ARHGAP25: variants seen among roughly 807,000 people sequenced by gnomAD.
The protein encoded by ARHGAP25 is rho GTPase-activating protein 25.
A neutral mutation model predicts 71.0 loss-of-function variants in ARHGAP25; 34 were observed. The ratio of observed to expected loss-of-function variants is 0.48; its 90% CI spans 0.36 to 0.64. The LOEUF (loss-of-function observed/expected upper bound fraction) is 0.64. Ranked by LOEUF, ARHGAP25 falls within the 30% of genes least tolerant of loss-of-function variation. The pLI, the probability that ARHGAP25 is intolerant of heterozygous loss-of-function variation, is 0.00. For missense variants in ARHGAP25, 706 were observed against 805.1 expected (o/e 0.88, Z 1.49); for synonymous variants, 282 against 296.5 (o/e 0.95, Z 0.50).
intron 1 of ARHGAP25, among the ~76,000 whole-genome samples, chr2:68,737,353 A>G (rs897273667): frequency 5.3e-5 from 8 of 152,240 alleles, no homozygotes; most frequent in Non-Finnish European, 7.3e-5. Flanking sequence ...GAGTTATGTC[A>G]GGAAAGCTGA....
intron 4 of ARHGAP25, among the ~76,000 whole-genome samples, chr2:68,802,986 C>G (rs1194538365): frequency 7.2e-6 from 1 of 139,520 alleles, no homozygotes; most frequent in African/African-American, 2.5e-5. Context: ...CATATATATA[C>G]ACACATATAC....
chr2:68,813,299 G>A lies in ARHGAP25; in HGVS notation c.687G>A (p.Val229=). The change falls in exon 6 of 11, where the codon GTG becomes GTA. Residue 229 remains valine (V), a synonymous_variant. Coordinates refer to ENST00000409202, the MANE Select transcript of ARHGAP25 (RefSeq NM_001007231.3). Reference sequence around the variant, plus strand: ...TATTTTCTTCCAGAGACACAGATGTGCACACTGTGGCTTCCCTGTTAAAGC... The same window carrying A: ...TATTTTCTTCCAGAGACACAGATGTACACACTGTGGCTTCCCTGTTAAAGC... ...ERPSFDRDTD[V]HTVASLLKLY... 6.2e-7 allele frequency: 1 copy of A among 1,612,960 alleles called. No individual in the cohort carries two copies.
At chr2:68,741,568 A>T (rs1044658257) in intron 1 of ARHGAP25, among the ~76,000 whole-genome samples, 12 of 152,162 alleles carry the variant, frequency 7.9e-5, no homozygotes, top group African/African-American at 2.4e-4. Flanking sequence ...ACTTTAAAAA[A>T]TGTTATTATT....
At chr2:68,791,531 C>T (rs1558640574) in intron 4 of ARHGAP25, among the ~76,000 whole-genome samples, 1 of 151,164 alleles carries the variant, frequency 6.6e-6, no homozygotes, top group Non-Finnish European at 1.5e-5. Flanking sequence ...CGGTGGAGCT[C>T]TTTATGGTGC....
intron 10 of ARHGAP25, 67 bp from the exon 11 acceptor site, chr2:68,825,920 G>GC (rs1682093545): frequency 7.2e-7 from 1 of 1,390,608 alleles, no homozygotes; most frequent in African/African-American, 1.5e-5. Flanking sequence ...CAGGTTGTGA[G>GC]CAAGGGGGAA....
intron 2 of ARHGAP25, among the ~76,000 whole-genome samples, chr2:68,781,424 G>T (rs1402287975): frequency 6.6e-6 from 1 of 152,114 alleles, no homozygotes; most frequent in East Asian, 1.9e-4. Context: ...CAAGTGAAAT[G>T]CACTGTAAGT....
intron 1 of ARHGAP25, among the ~76,000 whole-genome samples, chr2:68,760,210 A>G (rs891372899): frequency 4.6e-5 from 7 of 152,002 alleles, no homozygotes; most frequent in Non-Finnish European, 8.8e-5. Context: ...AGTCATATGT[A>G]AATAACCCAC....
rs1039588541 is a variant in ARHGAP25 at position 68,822,405 on chromosome 2, C to T, written c.1266C>T (p.Ser422=). 3 of 1,614,052 alleles carry T rather than the reference C, an allele frequency of 1.9e-6. No homozygotes were observed. The highest frequency in any genetic ancestry group is 1.6e-4 in the Middle Eastern group (1 of 6,084). ...CGAGCGATGCGTTTCCGGAGGACAG[C>T]AGCAAAGTACCCAGGGAAAAGCCAG... ...QQPSDAFPED[S]SKVPREKPGD... Residue 422 remains serine, a synonymous_variant, in exon 10 of 11, where the codon AGC becomes AGT. Transcript: ENST00000409202.
intron 4 of ARHGAP25, among the ~76,000 whole-genome samples, chr2:68,791,728 A>T (rs929155442): frequency 1.3e-5 from 2 of 152,048 alleles, no homozygotes; most frequent in African/African-American, 4.8e-5. Context: ...TGCAGAGCCG[A>T]TGCCTCTTCT....
intron 5 of ARHGAP25, among the ~76,000 whole-genome samples, chr2:68,808,670 A>G (rs1215177942): frequency 6.6e-6 from 1 of 152,232 alleles, no homozygotes; most frequent in Non-Finnish European, 1.5e-5. Flanking sequence ...GCACCTTGTT[A>G]TCAGGCACTT....
chr2:68,718,767 C>G (rs574613388), intron 2 of ARHGAP25, among the ~76,000 whole-genome samples: 6 of 152,230 alleles, frequency 3.9e-5, no homozygotes, highest in African/African-American at 1.2e-4. Context: ...TCTTAAATTT[C>G]TTGGTATTTT....
chr2:68,723,621 G>A (rs1380341455), intron 2 of ARHGAP25, among the ~76,000 whole-genome samples: 2 of 152,198 alleles, frequency 1.3e-5, no homozygotes, highest in African/African-American at 4.8e-5. Context: ...CTAGCTGAGA[G>A]GATGGGGACT....
chr2:68,819,367 C>G (rs1370480093), intron 9 of ARHGAP25, 48 bp downstream of exon 9: 1 of 1,595,752 alleles, frequency 6.3e-7, no homozygotes, highest in Non-Finnish European at 8.6e-7. Flanking sequence ...TTCCTTTAGT[C>G]CAGGCCATCC....
chr2:68,819,053 G>A (rs904038387), intron 8 of ARHGAP25, 70 bp from the exon 9 acceptor site: 2 of 1,360,674 alleles, frequency 1.5e-6, no homozygotes, highest in African/African-American at 1.5e-5. Flanking sequence ...ACATCCACGG[G>A]TGGGGATCCT....
At chr2:68,729,642 G>C (rs1674966134) in intron 2 of ARHGAP25, among the ~76,000 whole-genome samples, 1 of 152,204 alleles carries the variant, frequency 6.6e-6, no homozygotes, top group Non-Finnish European at 1.5e-5. Flanking sequence ...AATGCCAACT[G>C]TTAGTGAGGC....
Position 68,746,709 on chromosome 2 carries a change from C to CA in ARHGAP25, c.61+11449_61+11450insA, listed in dbSNP as rs531509898. Among the ~76,000 whole-genome samples, 1,159 of 145,950 alleles carry CA rather than the reference C, an allele frequency of 7.9e-3. 6 individuals carry two copies. Among genetic ancestry groups the CA allele is most frequent in the Non-Finnish European group, 0.014 (924 of 66,996 alleles). On this transcript the variant is annotated intron_variant, in intron 1 of 10. Transcript: ENST00000409202. ...GGGTTTAAAGACAGGGACCACCCCC[C>CA]TCCCCATCCCCACAGGGCCGGGCGC... is the stretch of plus-strand genomic sequence containing the variant.
At chr2:68,710,870 A>G (rs1360044444) in intron 2 of ARHGAP25, among the ~76,000 whole-genome samples, 2 of 151,954 alleles carry the variant, frequency 1.3e-5, no homozygotes, top group African/African-American at 4.8e-5. Context: ...ATTGGCTTCA[A>G]CTCTCTAATA....
intron 4 of ARHGAP25, among the ~76,000 whole-genome samples, chr2:68,794,507 T>A (rs1166331908): frequency 6.6e-6 from 1 of 152,220 alleles, no homozygotes. Context: ...ATATGCTTTT[T>A]CTGTGTCTGT....
chr2:68,819,167 C>T lies in ARHGAP25; in HGVS notation c.1048C>T (p.His350Tyr). The T allele has an allele frequency of 6.3e-7, 1 of 1,597,286 alleles. No individual in the cohort carries two copies. The highest frequency in any genetic ancestry group is 8.5e-7 in the Non-Finnish European group (1 of 1,171,586). ...AGTGATGACTATGATGATCAGAGAC[C>T]ATGAAGTCCTCTTCCCCAAGTCCAA... ...QRVMTMMIRD[H>Y]EVLFPKSKDI... is the part of the protein sequence containing the mutation. The change falls in exon 9 of 11, where the codon CAT (histidine) becomes TAT (tyrosine). Residue 350 changes from histidine (H) to tyrosine (Y), a missense_variant. Physicochemically the swap from His to Tyr is moderately conservative, Grantham distance 83. Coordinates refer to ENST00000409202, the MANE Select transcript of ARHGAP25 (RefSeq NM_001007231.3).
Sources: allele counts gnomAD v4.1 joint callset (sites outside exome capture counted in the v4.1 genomes callset), GRCh38; gene constraint gnomAD v4.1.1; transcripts MANE v1.5; gene names NCBI Gene and HGNC (gene_info 2026-07-23, HGNC 2026-07-21).